The following SHANK2 variants were observed in gnomAD, a reference collection of about 807,000 sequenced individuals.
The protein encoded by SHANK2 is SH3 and multiple ankyrin repeat domains 2.
A neutral mutation model predicts 133.7 loss-of-function variants in SHANK2; 43 were observed. The observed-to-expected ratio is 0.32, with a 90% confidence interval of 0.25 to 0.41. The LOEUF is 0.41. SHANK2 is among the 10% of genes least tolerant of loss of function. The pLI is 1.00. For missense variants in SHANK2, 1,994 were observed against 2,235.8 expected (o/e 0.89, Z 2.18); for synonymous variants, 1,017 against 952.8 (o/e 1.07, Z -1.24).
chr11:70,488,657 C>T (rs2058845792), intron 24 of SHANK2, among the ~76,000 whole-genome samples: 1 of 152,226 alleles, frequency 6.6e-6, no homozygotes, highest in Non-Finnish European at 1.5e-5. Flanking sequence ...CTCAGTGAGC[C>T]CCTTCTGGGT....
intron 17 of SHANK2, among the ~76,000 whole-genome samples, chr11:70,615,272 G>A (rs766962220): frequency 5.3e-5 from 8 of 152,146 alleles, no homozygotes; most frequent in Non-Finnish European, 8.8e-5. Flanking sequence ...TCTGTGATGA[G>A]GGCCTGATAC....
intron 14 of SHANK2, among the ~76,000 whole-genome samples, chr11:70,752,984 G>A (rs868945238): frequency 2.2e-4 from 33 of 151,820 alleles, no homozygotes; most frequent in Admixed American, 1.6e-3. Flanking sequence ...GTGGTGGCAG[G>A]TACCTGTAAT....
rs1951413093 is a variant in SHANK2, at chr11:71,086,273, G to GTCATA, written c.912+6148_912+6149insTATGA. 6.2e-3 allele frequency among the ~76,000 whole-genome samples: 128 copies of GTCATA among 20,624 alleles called. 6 individuals carry two copies. Among genetic ancestry groups the GTCATA allele is most frequent in the African/African-American group, 0.034 (125 of 3,726 alleles). The allele number at this position is 20,624 out of a possible 152,430, so 13.5% of individuals were successfully genotyped here. A position where few individuals can be genotyped will look rare whatever the true frequency, so the allele number is the denominator to read the frequency against. On this transcript the variant is annotated intron_variant, in intron 8 of 25. Transcript: ENST00000601538. ...GTTATATATGTTATATATTATATAT[G>GTCATA]TTATATTATATATGTTATATAAGAT...
intron 8 of SHANK2, among the ~76,000 whole-genome samples, chr11:71,080,734 T>C (rs1951287791): frequency 6.6e-6 from 1 of 152,184 alleles, no homozygotes; most frequent in Non-Finnish European, 1.5e-5. Context: ...TGCCCGTCAG[T>C]AGAGAAACAA....
chr11:71,082,008 G>A (rs895817104), intron 8 of SHANK2, among the ~76,000 whole-genome samples: 314 of 152,240 alleles, frequency 2.1e-3, no homozygotes, highest in Non-Finnish European at 2.6e-3. Flanking sequence ...AGTGAGGCTC[G>A]GTCCCAGTTC....
chr11:70,629,290 G>C (rs1274173760), intron 17 of SHANK2, among the ~76,000 whole-genome samples: 2 of 152,218 alleles, frequency 1.3e-5, no homozygotes, highest in Non-Finnish European at 2.9e-5. Flanking sequence ...TGCCGAAAAG[G>C]CTGGGAGAGG....
chr11:70,596,564 A>G (rs2136295897), intron 17 of SHANK2, among the ~76,000 whole-genome samples: 1 of 152,296 alleles, frequency 6.6e-6, no homozygotes, highest in East Asian at 1.9e-4. Context: ...TGAAGTAGAA[A>G]CCACTGAGGG....
intron 14 of SHANK2, among the ~76,000 whole-genome samples, chr11:70,754,650 G>A (rs1555038289): frequency 6.6e-6 from 1 of 152,218 alleles, no homozygotes; most frequent in Non-Finnish European, 1.5e-5. Context: ...CCTGGCAAAG[G>A]CAGCGGTAGG....
chr11:70,707,673 T>C (rs1945695493), intron 14 of SHANK2, among the ~76,000 whole-genome samples: 1 of 152,166 alleles, frequency 6.6e-6, no homozygotes, highest in South Asian at 2.1e-4. Flanking sequence ...TTTACAGGGC[T>C]GCACTGAGGA....
chr11:71,148,374 G>A (rs535703936), intron 2 of SHANK2, among the ~76,000 whole-genome samples: 9 of 152,316 alleles, frequency 5.9e-5, no homozygotes, highest in South Asian at 4.1e-4. Context: ...GTGAGCCACC[G>A]TGCCTGGCCA....
At chr11:70,924,569 G>T (rs554352030) in intron 10 of SHANK2, among the ~76,000 whole-genome samples, 3 of 152,302 alleles carry the variant, frequency 2.0e-5, no homozygotes, top group East Asian at 1.9e-4. Context: ...TGGTTCTCCT[G>T]CCTCAGCCTC....
At chr11:71,104,803 C>T (rs974796195) in intron 6 of SHANK2, among the ~76,000 whole-genome samples, 23 of 152,234 alleles carry the variant, frequency 1.5e-4, no homozygotes, top group African/African-American at 5.3e-4. Context: ...TCTTGAGACA[C>T]TGGTGGCAGG....
chr11:70,716,806 C>T (rs1446377354), intron 14 of SHANK2, among the ~76,000 whole-genome samples: 1 of 152,080 alleles, frequency 6.6e-6, no homozygotes. Context: ...GCTCATGGCT[C>T]ACATAGATCT....
At chr11:70,533,110 C>G (rs1185293805) in intron 17 of SHANK2, among the ~76,000 whole-genome samples, 1 of 152,128 alleles carries the variant, frequency 6.6e-6, no homozygotes, top group East Asian at 1.9e-4. Flanking sequence ...GGAGGGACGG[C>G]CCTTGGGGAC....
intron 17 of SHANK2, among the ~76,000 whole-genome samples, chr11:70,593,369 C>CT (rs1384644674): frequency 2.0e-5 from 3 of 152,150 alleles, no homozygotes; most frequent in Non-Finnish European, 4.4e-5. Flanking sequence ...TTCTTGCTGC[C>CT]TTTTTTTATT....
At chr11:70,719,914 C>A (rs1555028556) in intron 14 of SHANK2, among the ~76,000 whole-genome samples, 1 of 152,072 alleles carries the variant, frequency 6.6e-6, no homozygotes, top group Non-Finnish European at 1.5e-5. Context: ...GTCCTTAAAT[C>A]CCCCACATCA....
At position 70,473,466 on chromosome 11, in the gene SHANK2, T is replaced by C. The variant is rs1555149343; in HGVS notation, c.4980-27A>G. ...TGAAACAGCAACACAGAGAAAACCA[T>C]CACAAGGCAGGTCACCGAGTCAGGG... On this transcript the variant is annotated intron_variant, in intron 25 of 25. Coordinates refer to ENST00000601538, the MANE Select transcript of SHANK2 (RefSeq NM_012309.5). The surrounding 1 kb of genome is among the most constrained non-coding windows in gnomAD (Gnocchi z 5.9). The C allele has an allele frequency of 6.3e-7, 1 of 1,598,682 alleles. No homozygotes were observed. Among genetic ancestry groups the C allele is most frequent in the Non-Finnish European group, 8.5e-7 (1 of 1,178,966 alleles).
At chr11:70,652,935 T>A (rs1318398593) in intron 17 of SHANK2, among the ~76,000 whole-genome samples, 1 of 152,196 alleles carries the variant, frequency 6.6e-6, no homozygotes, top group Admixed American at 6.5e-5. Flanking sequence ...CCAGCAAGCA[T>A]AATGACTGAT....
chr11:70,789,228 C>T (rs1172332030), intron 14 of SHANK2, among the ~76,000 whole-genome samples: 1 of 152,150 alleles, frequency 6.6e-6, no homozygotes, highest in Non-Finnish European at 1.5e-5. Flanking sequence ...AAGGCACCTC[C>T]CATTAAGGGC....
Sources: gnomAD v4.1 joint callset for allele counts (sites outside exome capture counted in the v4.1 genomes callset) on GRCh38, gnomAD v4.1.1 for gene constraint, Gnocchi (gnomAD v3.1) non-coding constraint, MANE v1.5 for transcripts, NCBI Gene and HGNC (gene_info 2026-07-23, HGNC 2026-07-21) for gene names.